FLNA: variants seen among roughly 807,000 people sequenced by gnomAD.
The protein encoded by FLNA is filamin A, also known as filamin-A.
A neutral mutation model predicts 157.6 loss-of-function variants in FLNA; 7 were observed. The ratio of observed to expected loss-of-function variants is 0.04; its 90% CI spans 0.03 to 0.08. FLNA has a LOEUF of 0.08. Among genes scored for constraint, FLNA ranks in the 10% least tolerant of loss-of-function variants. The pLI is 1.00. For missense variants in FLNA, 1,750 were observed against 2,398.4 expected, an observed-to-expected ratio of 0.73 and a Z score of 5.65; for synonymous variants, 1,103 against 1,060.8, an observed-to-expected ratio of 1.04 and a Z score of -0.77.
At chrX:154,361,273 G>A in intron 21 of FLNA, 35 bp downstream of exon 21, 3 of 1,201,224 alleles carry the variant, frequency 2.5e-6, no homozygotes, top group Non-Finnish European at 3.4e-6. Flanking sequence ...GAGCACAGTG[G>A]GTTCTACCCT....
intron 43 of FLNA, 83 bp downstream of exon 43, chrX:154,351,498 A>G: frequency 1.5e-6 from 1 of 670,084 alleles, no homozygotes; most frequent in South Asian, 2.3e-5. Context: ...CACTGAACAC[A>G]GGGCCAAGGC....
At chrX:154,361,084 G>GA (rs374641129) in intron 21 of FLNA, among the ~76,000 whole-genome samples, 550 of 52,441 alleles carry the variant, frequency 0.01, 2 homozygotes, top group Middle Eastern at 0.035. Context: ...AAAAAAGAAA[G>GA]AAAAAAAAAA....
In FLNA at chrX:154,353,654, G is replaced by A. The variant is rs1359141531; in HGVS notation, c.5760C>T (p.Cys1920=). ...ISCTDNQDGT[C]SVSYLPVLPG... ...GCAGCACAGGCAGGTAGGACACGCT[G>A]CATGTCCCATCCTGGTTGTCAGTGC... Residue 1920 remains cysteine, a synonymous_variant, in exon 36 of 48, where the codon TGC becomes TGT. Coordinates refer to ENST00000369850, the MANE Select transcript of FLNA (RefSeq NM_001110556.2). 2 of 1,211,531 alleles carry A rather than the reference G, an allele frequency of 1.7e-6. No individual in the cohort carries two copies. Among genetic ancestry groups the A allele is most frequent in the Non-Finnish European group, 2.2e-6 (2 of 895,171 alleles).
At chrX:154,360,687 C>T (rs781864921) in intron 21 of FLNA, 100 bp from the exon 22 acceptor site, 12 of 776,509 alleles carry the variant, frequency 1.5e-5, no homozygotes, top group Non-Finnish European at 2.2e-5. Flanking sequence ...GGCTTCCTGC[C>T]CTCACCAAAC....
At position 154,351,876 on chromosome X, in the gene FLNA, C is replaced by T. The variant is rs1557175865; in HGVS notation, c.6907+8G>A. ...CACCTCCTCCAACCCCAGCCGGGTT[C>T]CCAGTACCTGGCTCCTGGACCACAT... On this transcript the variant is annotated splice_region_variant and intron_variant, in intron 42 of 47. Coordinates refer to ENST00000369850, the MANE Select transcript of FLNA (RefSeq NM_001110556.2). 8.3e-6 allele frequency: 10 copies of T among 1,211,223 alleles called. No individual in the cohort carries two copies. The highest frequency in any genetic ancestry group is 1.1e-5 in the Non-Finnish European group (10 of 895,192).
chrX:154,360,029 A>G lies in FLNA; in HGVS notation c.3766T>C (p.Ser1256Pro), dbSNP rs2148111936. The G allele has an allele frequency of 2.5e-6, 3 of 1,209,889 alleles. No homozygotes were observed. Among genetic ancestry groups the G allele is most frequent in the Non-Finnish European group, 3.4e-6 (3 of 894,391 alleles). The change falls in exon 22 of 48, where the codon TCC becomes CCC. Residue 1256 changes from serine to proline, a missense_variant. Ser to Pro is a moderately conservative substitution (Grantham distance 74). Transcript: ENST00000369850. Reference sequence around the variant, plus strand: ...CCAGGCCCATAGCACTGGACACCGGAAGTGTCCACCGCAGGTTCCACCTGC... The same window carrying G: ...CCAGGCCCATAGCACTGGACACCGGGAGTGTCCACCGCAGGTTCCACCTGC... ...KLQVEPAVDT[S>P]GVQCYGPGIE...
intron 25 of FLNA, 34 bp downstream of exon 25, chrX:154,359,212 A>G: frequency 8.3e-7 from 1 of 1,210,643 alleles, no homozygotes; most frequent in Non-Finnish European, 1.1e-6. Flanking sequence ...ACGAGCAGAC[A>G]GTCCCAGCCC....
At chrX:154,373,594 C>A (rs2067823360) in intron 1 of FLNA, among the ~76,000 whole-genome samples, 1 of 112,735 alleles carries the variant, frequency 8.9e-6, no homozygotes, top group Admixed American at 9.3e-5. Flanking sequence ...CACCCCTGGC[C>A]CTCAGACCCC....
rs1557180246 is a variant in FLNA at position 154,371,187 on chromosome X, C to A, written c.59G>T (p.Gly20Val). 8.4e-7 allele frequency: 1 copy of A among 1,194,949 alleles called. No individual in the cohort carries two copies. Among genetic ancestry groups the A allele is most frequent in the Non-Finnish European group, 1.1e-6 (1 of 887,465 alleles). Reference sequence around the variant, plus strand: ...CATCTCGGCGTCCCGCGTGTCGACGCCGCCGCCCGGAGCCGCGCCTGCTGC... The same window carrying A: ...CATCTCGGCGTCCCGCGTGTCGACGACGCCGCCCGGAGCCGCGCCTGCTGC... ...QSAAGAAPGG[G>V]VDTRDAEMPA... The change falls in exon 2 of 48, where the codon GGC becomes GTC. Residue 20 changes from glycine (G) to valine (V), a missense_variant. Gly to Val is a moderately radical substitution (Grantham distance 109, BLOSUM62 -3). Around this residue, in one of 5 missense-constraint regions of FLNA, gnomAD observed 58 missense variants for 27.8 expected, o/e 2.09. Transcript: ENST00000369850.
chrX:154,374,005 T>C (rs781954149), intron 1 of FLNA, among the ~76,000 whole-genome samples: 4 of 112,418 alleles, frequency 3.6e-5, no homozygotes, highest in Non-Finnish European at 5.6e-5. Flanking sequence ...ATGGCCCCCA[T>C]GGAGTAGAGC....
chrX:154,359,041 C>A lies in FLNA; in HGVS notation c.4417G>T (p.Val1473Leu). ...VRANLPQSFQVDTSKAGVAPL... is the reference protein window; with the variant it reads ...VRANLPQSFQLDTSKAGVAPL... ...GCCACACCAGCCTTGCTTGTGTCCA[C>A]CTGGAAGGACTGAGGGAGGTTGGCA... Residue 1473 changes from valine to leucine, a missense_variant, in exon 26 of 48, where the codon GTG becomes TTG. Coordinates refer to ENST00000369850, the MANE Select transcript of FLNA (RefSeq NM_001110556.2). The A allele has an allele frequency of 1.7e-6, 2 of 1,211,478 alleles. No individual in the cohort carries two copies. Among genetic ancestry groups the A allele is most frequent in the East Asian group, 5.9e-5 (2 of 33,854 alleles).
intron 2 of FLNA, among the ~76,000 whole-genome samples, chrX:154,369,938 TGAA>T (rs1557180020): frequency 2.7e-5 from 3 of 112,068 alleles, no homozygotes. Context: ...CTCTCAATTC[TGAA>T]GAAGAGAAGA....
intron 26 of FLNA, 121 bp from the exon 27 acceptor site, chrX:154,358,689 G>A (rs2067681262): frequency 5.4e-6 from 5 of 930,525 alleles, no homozygotes; most frequent in South Asian, 2.0e-5. Context: ...TCATCCACCC[G>A]ACCCTGGGAA....
At chrX:154,370,792 T>C in intron 2 of FLNA, 81 bp downstream of exon 2, 2 of 1,074,485 alleles carry the variant, frequency 1.9e-6, no homozygotes, top group South Asian at 4.0e-5. Context: ...AGGGGGTGGT[T>C]TGGAGGGGTC....
In FLNA at chrX:154,354,269, G is replaced by T. The variant is rs781981256; in HGVS notation, c.5439C>A (p.Gly1813=). Residue 1813 remains glycine, a synonymous_variant, in exon 34 of 48, where the codon GGC becomes GGA. Transcript: ENST00000369850. ...CAGTGATGGTGGGCTGCGCCACCTT[G>T]CCTGAGGGCATCCGAACCTCCCCTG... ...EITGEVRMPS[G]KVAQPTITDN... 8.3e-7 allele frequency: 1 copy of T among 1,210,932 alleles called. No homozygotes were observed. The highest frequency in any genetic ancestry group is 1.7e-5 in the African/African-American group (1 of 57,776).
At position 154,354,300 on chromosome X, in the gene FLNA, C is replaced by A; in HGVS notation, c.5417-9G>T. 1 of 1,211,060 alleles carries A rather than the reference C, an allele frequency of 8.3e-7. No individual in the cohort carries two copies. ...GGGCATCCGAACCTCCCCTGTGGGG[C>A]AGTGGGGCTGAGGTCAGGGCAGCTC... On this transcript the variant is annotated splice_polypyrimidine_tract_variant and intron_variant, in intron 33 of 47. Coordinates refer to ENST00000369850, the MANE Select transcript of FLNA (RefSeq NM_001110556.2).
rs1344394376 is a variant in FLNA, at chrX:154,352,121, C to T, written c.6769+60G>A. 3.3e-6 allele frequency: 4 copies of T among 1,207,439 alleles called. No homozygotes were observed. The South Asian group carries it at 5.3e-5, about 16-fold the overall frequency. On this transcript the variant is annotated intron_variant, in intron 41 of 47. Coordinates refer to ENST00000369850, the MANE Select transcript of FLNA (RefSeq NM_001110556.2). ...ACATGCCTGCCGGCTCTTTCCTCCA[C>T]CCCCAACCCCACCCTGGCCAACGCA...
At chrX:154,353,891 G>A in intron 35 of FLNA, 24 bp downstream of exon 35, 2 of 1,211,615 alleles carry the variant, frequency 1.7e-6, no homozygotes, top group South Asian at 1.8e-5. Context: ...CACAGAGCAG[G>A]TCAAGACCAG....
At chrX:154,365,044 C>T in intron 11 of FLNA, 87 bp from the exon 12 acceptor site, 7 of 1,200,191 alleles carry the variant, frequency 5.8e-6, no homozygotes, top group Non-Finnish European at 7.9e-6. Flanking sequence ...GCAGGAAGAG[C>T]CCATGTGGCC....
Sources: gnomAD v4.1 joint callset for allele counts (sites outside exome capture counted in the v4.1 genomes callset) on GRCh38, gnomAD v4.1.1 for gene constraint, gnomAD v4.1.1 regional missense constraint, MANE v1.5 for transcripts, NCBI Gene and HGNC (gene_info 2026-07-23, HGNC 2026-07-21) for gene names.